The following GPR39 variants were observed in gnomAD, a reference collection of about 807,000 sequenced individuals.
GPR39 encodes the protein zinc sensing receptor.
In GPR39, 23 loss-of-function variants were observed where a neutral mutation model predicts 18.4. The ratio of observed to expected loss-of-function variants is 1.25; its 90% CI spans 0.90 to 1.77. GPR39 has a LOEUF of 1.77. GPR39 is among the 40% of genes most tolerant of loss of function. The pLI is 0.00. For synonymous variants in GPR39, 280 were observed against 257.9 expected, an observed-to-expected ratio of 1.09 and a Z score of -0.82; for missense variants, 647 against 602.4, an observed-to-expected ratio of 1.07 and a Z score of -0.78.
chr2:132,551,900 G>A (rs1680051582), intron 1 of GPR39, among the ~76,000 whole-genome samples: 1 of 152,176 alleles, frequency 6.6e-6, no homozygotes, highest in Non-Finnish European at 1.5e-5. Context: ...CTGCTAGGCA[G>A]TTGGGATCCA....
chr2:132,523,445 T>C (rs1261067132), intron 1 of GPR39, among the ~76,000 whole-genome samples: 2 of 152,158 alleles, frequency 1.3e-5, no homozygotes, highest in Non-Finnish European at 2.9e-5. Flanking sequence ...TTGCCCATCA[T>C]TGAGGTCCAG....
chr2:132,436,540 C>T (rs139946484), intron 1 of GPR39, among the ~76,000 whole-genome samples: 155 of 152,182 alleles, frequency 1.0e-3, no homozygotes, highest in Middle Eastern at 3.4e-3. Context: ...ATAATGAGAA[C>T]GTTAAAATGA....
At chr2:132,508,038 C>T (rs1361789749) in intron 1 of GPR39, among the ~76,000 whole-genome samples, 1 of 152,168 alleles carries the variant, frequency 6.6e-6, no homozygotes, top group African/African-American at 2.4e-5. Flanking sequence ...TCTCTGATAA[C>T]ATATGGTTCA....
At chr2:132,481,168 T>C (rs1221269847) in intron 1 of GPR39, among the ~76,000 whole-genome samples, 1 of 152,232 alleles carries the variant, frequency 6.6e-6, no homozygotes. Context: ...GGAAGCAGCC[T>C]CAGAGGTGTG....
intron 1 of GPR39, among the ~76,000 whole-genome samples, chr2:132,451,147 CTGTG>C (rs34508615): frequency 3.2e-4 from 34 of 106,088 alleles, no homozygotes; most frequent in Middle Eastern, 4.7e-3. Flanking sequence ...ATCTTTGAGG[CTGTG>C]TGTGTGTGTG....
chr2:132,417,816 C>CG lies in GPR39; in HGVS notation c.779dup (p.Thr261HisfsTer146), dbSNP rs1469245893. On this transcript the variant is annotated frameshift_variant, in exon 1 of 2. Transcript: ENST00000329321. LOFTEE classifies it high-confidence loss of function. ...TGAAAAGCCAGAAGGGCTCGCTGGC[C>CG]GGGGGCACGCGGCCTCCGCAGCTGA... 1 of 1,613,854 alleles carries CG rather than the reference C, an allele frequency of 6.2e-7. No individual in the cohort carries two copies. Among genetic ancestry groups the CG allele is most frequent in the Non-Finnish European group, 8.5e-7 (1 of 1,180,016 alleles).
intron 1 of GPR39, among the ~76,000 whole-genome samples, chr2:132,598,708 C>T (rs1680990596): frequency 6.6e-6 from 1 of 152,022 alleles, no homozygotes; most frequent in East Asian, 1.9e-4. Flanking sequence ...AGAAATTCTA[C>T]AGAAGCTCTG....
chr2:132,587,029 C>T (rs1404884335), intron 1 of GPR39, among the ~76,000 whole-genome samples: 1 of 152,212 alleles, frequency 6.6e-6, no homozygotes, highest in Non-Finnish European at 1.5e-5. Flanking sequence ...ATCTGGTTTT[C>T]TGCTTGTCAG....
Position 132,544,423 on chromosome 2 carries a change from T to G in GPR39, c.857-100678T>G, listed in dbSNP as rs562137568. 7.2e-5 allele frequency among the ~76,000 whole-genome samples: 11 copies of G among 152,336 alleles called. No individual in the cohort carries two copies. The South Asian group carries it at 2.3e-3, about 32-fold the overall frequency. On this transcript the variant is annotated intron_variant, in intron 1 of 1. Coordinates refer to ENST00000329321, the MANE Select transcript of GPR39 (RefSeq NM_001508.3). The stretch of plus-strand genomic sequence containing the variant: ...CCCTGATCAATCAGCCCAGGCCAGC[T>G]GGATTGGGGGATGTGGTGGTCATCT...
intron 1 of GPR39, among the ~76,000 whole-genome samples, chr2:132,511,058 C>G (rs1437887358): frequency 6.6e-6 from 1 of 152,180 alleles, no homozygotes; most frequent in Non-Finnish European, 1.5e-5. Flanking sequence ...CCTTTTCTAT[C>G]TCATTTAAAA....
rs539645254 is a variant in GPR39 at position 132,545,843 on chromosome 2, A to G, written c.857-99258A>G. 1.3e-3 allele frequency among the ~76,000 whole-genome samples: 201 copies of G among 152,316 alleles called. 2 individuals are homozygous for G. The highest frequency in any genetic ancestry group is 0.012 in the Admixed American group (184 of 15,308). On this transcript the variant is annotated intron_variant, in intron 1 of 1. Coordinates refer to ENST00000329321, the MANE Select transcript of GPR39 (RefSeq NM_001508.3). ...CCAGGTGATGCAGATAAACTGGTCC[A>G]AGACTAAGTTTGCGTAACAAGAGAC...
intron 1 of GPR39, among the ~76,000 whole-genome samples, chr2:132,587,165 T>C (rs1680744099): frequency 6.6e-6 from 1 of 152,202 alleles, no homozygotes; most frequent in African/African-American, 2.4e-5. Context: ...TCTGTGGTGA[T>C]TGCTGTGGCA....
intron 1 of GPR39, among the ~76,000 whole-genome samples, chr2:132,517,678 T>C (rs1171651848): frequency 6.6e-6 from 1 of 152,220 alleles, no homozygotes; most frequent in South Asian, 2.1e-4. Context: ...GCCAAATTTG[T>C]GAACAGTTTT....
intron 1 of GPR39, among the ~76,000 whole-genome samples, chr2:132,639,486 A>C (rs1681822137): frequency 6.6e-6 from 1 of 152,216 alleles, no homozygotes; most frequent in East Asian, 1.9e-4. Flanking sequence ...TAGAAAAGCT[A>C]ATATTGGGAA....
chr2:132,594,091 C>A (rs1338084284), intron 1 of GPR39, among the ~76,000 whole-genome samples: 6 of 152,160 alleles, frequency 3.9e-5, no homozygotes, highest in African/African-American at 1.4e-4. Flanking sequence ...GGATGGGTGA[C>A]TTTACAATGT....
intron 1 of GPR39, among the ~76,000 whole-genome samples, chr2:132,446,819 A>G (rs1473932308): frequency 6.6e-6 from 1 of 152,086 alleles, no homozygotes; most frequent in Non-Finnish European, 1.5e-5. Flanking sequence ...GAGATAGGGT[A>G]GATTGTGGGG....
chr2:132,623,350 G>A (rs17324410), intron 1 of GPR39, among the ~76,000 whole-genome samples: 131 of 152,088 alleles, frequency 8.6e-4, no homozygotes, highest in Middle Eastern at 3.4e-3. Context: ...TCCTGATACC[G>A]TTGAAGGAAG....
chr2:132,493,527 T>TATACACCATATATATATATATATATATAC, intron 1 of GPR39, among the ~76,000 whole-genome samples: 1 of 129,986 alleles, frequency 7.7e-6, no homozygotes, highest in Non-Finnish European at 1.6e-5. Flanking sequence ...TATATATATA[T>TATACACCATATATATATATATATATATAC]ACACACACCA....
intron 1 of GPR39, among the ~76,000 whole-genome samples, chr2:132,471,449 T>A (rs1681029682): frequency 6.6e-6 from 1 of 152,084 alleles, no homozygotes; most frequent in African/African-American, 2.4e-5. Context: ...TCTAGGAACC[T>A]GGTAGAGTCA....
Sources: allele counts gnomAD v4.1 joint callset (sites outside exome capture counted in the v4.1 genomes callset), GRCh38; gene constraint gnomAD v4.1.1; transcripts MANE v1.5; gene names NCBI Gene and HGNC (gene_info 2026-07-23, HGNC 2026-07-21).